The following DENND1A variants were observed in gnomAD, a reference collection of about 807,000 sequenced individuals.
DENND1A encodes DENN domain-containing protein 1A.
Under a neutral mutation model 113.7 loss-of-function variants are expected in DENND1A, and 51 were observed. The ratio of observed to expected loss-of-function variants is 0.45; its 90% confidence interval spans 0.36 to 0.57. The LOEUF is 0.57. DENND1A is among the 20% of genes least tolerant of loss of function. The probability of loss-of-function intolerance (pLI) is 0.00; values close to 1 mark genes in which losing one functional copy is unlikely to be tolerated. For synonymous variants in DENND1A, 565 were observed against 570.8 expected, an observed-to-expected ratio of 0.99 and a Z score of 0.14; for missense variants, 1,258 against 1,395.9, an observed-to-expected ratio of 0.90 and a Z score of 1.57.
intron 13 of DENND1A, among the ~76,000 whole-genome samples, chr9:123,511,467 T>C (rs571710953): frequency 1.3e-5 from 2 of 152,322 alleles, no homozygotes; most frequent in African/African-American, 4.8e-5. Context: ...GCATGTCCGA[T>C]TTAACTCAGA....
chr9:123,464,994 C>CAAAAAAAAAAAAAAA (rs10655282), intron 13 of DENND1A, among the ~76,000 whole-genome samples: 4 of 70,542 alleles, frequency 5.7e-5, no homozygotes, highest in African/African-American at 1.2e-4. Context: ...ACTAAAAATA[C>CAAAAAAAAAAAAAAA]AAAAAAAAAA....
intron 13 of DENND1A, among the ~76,000 whole-genome samples, chr9:123,551,451 G>A (rs1366204970): frequency 1.3e-5 from 2 of 152,226 alleles, no homozygotes; most frequent in African/African-American, 4.8e-5. Flanking sequence ...CGGAACATGT[G>A]GAAACTAGAA....
chr9:123,918,529 T>C (rs1258400798), intron 1 of DENND1A, among the ~76,000 whole-genome samples: 1 of 149,794 alleles, frequency 6.7e-6, no homozygotes, highest in Non-Finnish European at 1.5e-5. Context: ...TGGACAAAGA[T>C]AGGACAAATT....
chr9:123,694,689 A>G (rs1475689177), intron 5 of DENND1A, among the ~76,000 whole-genome samples: 2 of 152,208 alleles, frequency 1.3e-5, no homozygotes, highest in Non-Finnish European at 2.9e-5. Flanking sequence ...CAAAATCTCA[A>G]TTGGATTCCA....
At chr9:123,589,182 A>C (rs1010715221) in intron 11 of DENND1A, among the ~76,000 whole-genome samples, 1 of 152,142 alleles carries the variant, frequency 6.6e-6, no homozygotes, top group Admixed American at 6.5e-5. Flanking sequence ...GCCCTACTAC[A>C]TGGAAACAAA....
At chr9:123,588,065 G>A (rs969128413) in intron 11 of DENND1A, among the ~76,000 whole-genome samples, 1 of 151,950 alleles carries the variant, frequency 6.6e-6, no homozygotes, top group Non-Finnish European at 1.5e-5. Flanking sequence ...ATCACCAGAG[G>A]TCAGGAGTTC....
chr9:123,804,719 T>C (rs1835251504), intron 2 of DENND1A, among the ~76,000 whole-genome samples: 1 of 152,194 alleles, frequency 6.6e-6, no homozygotes, highest in Non-Finnish European at 1.5e-5. Context: ...TATCAGCCAC[T>C]CCTGCCAACT....
At chr9:123,711,513 GTATATA>G (rs56814463) in intron 5 of DENND1A, among the ~76,000 whole-genome samples, 15,504 of 121,062 alleles carry the variant, frequency 0.13, 1,465 homozygotes, top group African/African-American at 0.27. Flanking sequence ...ATGTATATAT[GTATATA>G]TATATATATA....
chr9:123,495,831 C>A (rs1267803361), intron 13 of DENND1A, among the ~76,000 whole-genome samples: 7 of 152,128 alleles, frequency 4.6e-5, no homozygotes, highest in Admixed American at 4.6e-4. Context: ...TTATAATGGC[C>A]CCAATAAGGG....
intron 10 of DENND1A, among the ~76,000 whole-genome samples, chr9:123,615,359 C>A (rs572047145): frequency 3.9e-4 from 59 of 152,194 alleles, no homozygotes; most frequent in Non-Finnish European, 7.6e-4. Flanking sequence ...GCCCATGATA[C>A]GGGGATCAAG....
chr9:123,807,188 T>A (rs1008859073), intron 2 of DENND1A, among the ~76,000 whole-genome samples: 1 of 152,128 alleles, frequency 6.6e-6, no homozygotes, highest in Non-Finnish European at 1.5e-5. Flanking sequence ...CATGAGTGAG[T>A]TGTAGGATTA....
chr9:123,889,835 T>C (rs572646909), intron 1 of DENND1A, among the ~76,000 whole-genome samples: 54 of 152,210 alleles, frequency 3.5e-4, no homozygotes, highest in African/African-American at 1.3e-3. Context: ...TAGCCAGGCC[T>C]GGTGGCACAC....
intron 12 of DENND1A, among the ~76,000 whole-genome samples, chr9:123,567,282 A>G (rs1281460160): frequency 6.6e-6 from 1 of 152,226 alleles, no homozygotes; most frequent in East Asian, 1.9e-4. Flanking sequence ...AATTAGGTCT[A>G]AGGCTTTTCA....
chr9:123,719,213 C>T (rs1364115085), intron 5 of DENND1A, among the ~76,000 whole-genome samples: 2 of 152,176 alleles, frequency 1.3e-5, no homozygotes, highest in South Asian at 2.1e-4. Context: ...CAGTGGTTAA[C>T]GTTATCCCAA....
rs1392036093 is a variant in DENND1A, at chr9:123,383,711, C to T, written c.1963G>A (p.Glu655Lys). ...AGGTCTTTGGGGGCACGAAGGTCCTCTAAGCTCTTGGCCTGGCCCAGTGGC... is the reference window on the plus strand; with the variant it reads ...AGGTCTTTGGGGGCACGAAGGTCCTTTAAGCTCTTGGCCTGGCCCAGTGGC... ...LQPLGQAKSL[E>K]DLRAPKDLRE... is the part of the protein sequence containing the mutation. Residue 655 changes from glutamate to lysine, a missense_variant, in exon 23 of 24, where the codon GAG (glutamate) becomes AAG (lysine). Around this residue, in one of 2 missense-constraint regions of DENND1A, gnomAD observed 1,159 missense variants for 1,231.7 expected, o/e 0.94. Transcript: ENST00000394215. 1.9e-6 allele frequency: 3 copies of T among 1,614,182 alleles called. No homozygotes were observed. Among genetic ancestry groups the T allele is most frequent in the East Asian group, 2.2e-5 (1 of 44,880 alleles).
At chr9:123,800,612 T>C (rs1464753950) in intron 2 of DENND1A, among the ~76,000 whole-genome samples, 2 of 152,156 alleles carry the variant, frequency 1.3e-5, no homozygotes, top group Non-Finnish European at 2.9e-5. Context: ...ACAATAAGAA[T>C]ACATCTGGAC....
intron 13 of DENND1A, among the ~76,000 whole-genome samples, chr9:123,548,084 C>T (rs906464877): frequency 6.6e-6 from 1 of 152,102 alleles, no homozygotes; most frequent in Admixed American, 6.6e-5. Flanking sequence ...GAATTAAAAC[C>T]CAGGTGATTC....
At chr9:123,874,688 T>C (rs1006550327) in intron 2 of DENND1A, among the ~76,000 whole-genome samples, 6 of 152,160 alleles carry the variant, frequency 3.9e-5, no homozygotes, top group African/African-American at 1.4e-4. Flanking sequence ...TTCAATCTCA[T>C]TAGTCTTCAA....
At chr9:123,444,790 T>C (rs193218933) in intron 18 of DENND1A, among the ~76,000 whole-genome samples, 6 of 152,356 alleles carry the variant, frequency 3.9e-5, no homozygotes, top group Admixed American at 3.3e-4. Context: ...TCAATAAACA[T>C]GAATTTTGTT....
Sources: gnomAD v4.1 joint callset for allele counts (sites outside exome capture counted in the v4.1 genomes callset) on GRCh38, gnomAD v4.1.1 for gene constraint, gnomAD v4.1.1 regional missense constraint, MANE v1.5 for transcripts, NCBI Gene and HGNC (gene_info 2026-07-23, HGNC 2026-07-21) for gene names.